CHST11: variants seen among roughly 807,000 people sequenced by gnomAD.
The protein encoded by CHST11 is carbohydrate sulfotransferase 11.
A neutral mutation model predicts 30.4 loss-of-function variants in CHST11; 9 were observed. The observed-to-expected ratio is 0.30, with a 90% CI of 0.18 to 0.52. The LOEUF (loss-of-function observed/expected upper bound fraction) is 0.52, where lower values mean the gene tolerates loss of function less well. Among genes scored for constraint, CHST11 ranks in the 20% least tolerant of loss-of-function variants. CHST11 has a pLI of 0.97. For missense variants in CHST11, 348 were observed against 460.6 expected (o/e 0.76, Z 2.24); for synonymous variants, 152 against 187.8 (o/e 0.81, Z 1.56).
chr12:104,543,382 G>C (rs1249678786), intron 1 of CHST11, among the ~76,000 whole-genome samples: 4 of 152,188 alleles, frequency 2.6e-5, no homozygotes, highest in Non-Finnish European at 5.9e-5. Context: ...ACTGTGTCAT[G>C]CAGTATTTTT....
At chr12:104,626,596 AAC>A (rs1555238158) in intron 2 of CHST11, among the ~76,000 whole-genome samples, 27 of 152,008 alleles carry the variant, frequency 1.8e-4, no homozygotes, top group Non-Finnish European at 3.4e-4. Flanking sequence ...AAAAAAAAAA[AAC>A]ATGGTCAAAA....
chr12:104,554,078 A>C (rs2038431699), intron 1 of CHST11, among the ~76,000 whole-genome samples: 1 of 152,172 alleles, frequency 6.6e-6, no homozygotes, highest in African/African-American at 2.4e-5. Context: ...AAAGCCATCG[A>C]GAGAGTGATG....
chr12:104,738,225 T>C (rs1487683424), intron 2 of CHST11, among the ~76,000 whole-genome samples: 1 of 152,168 alleles, frequency 6.6e-6, no homozygotes, highest in Non-Finnish European at 1.5e-5. Context: ...GCATAAAGCC[T>C]GTGCAGGGAC....
At chr12:104,650,767 A>G (rs566146235) in intron 2 of CHST11, among the ~76,000 whole-genome samples, 3 of 152,370 alleles carry the variant, frequency 2.0e-5, no homozygotes, top group East Asian at 3.9e-4. Flanking sequence ...GAGAGGCACA[A>G]TAGCACTTGG....
At chr12:104,507,069 G>A (rs1296192697) in intron 1 of CHST11, among the ~76,000 whole-genome samples, 1 of 152,178 alleles carries the variant, frequency 6.6e-6, no homozygotes, top group Admixed American at 6.5e-5. Context: ...CTGGCTCCAG[G>A]TGCTGGTCCC....
intron 2 of CHST11, among the ~76,000 whole-genome samples, chr12:104,666,801 G>A (rs1354232429): frequency 6.6e-6 from 1 of 152,068 alleles, no homozygotes; most frequent in African/African-American, 2.4e-5. Context: ...AGAGAGGCGG[G>A]GCAAGGTCTG....
intron 2 of CHST11, among the ~76,000 whole-genome samples, chr12:104,663,552 C>G (rs2039616298): frequency 6.6e-6 from 1 of 151,888 alleles, no homozygotes. Context: ...GTTTGGTAAC[C>G]TGTTTTTATT....
chr12:104,663,095 A>C (rs1457975840), intron 2 of CHST11, among the ~76,000 whole-genome samples: 1 of 152,240 alleles, frequency 6.6e-6, no homozygotes, highest in South Asian at 2.1e-4. Context: ...GATTGGGCCA[A>C]AGACTAGGGA....
chr12:104,492,058 C>T (rs941717091), intron 1 of CHST11, among the ~76,000 whole-genome samples: 1 of 152,198 alleles, frequency 6.6e-6, no homozygotes, highest in Non-Finnish European at 1.5e-5. Flanking sequence ...CCTCTTCTGA[C>T]CAACCAGTCC....
At chr12:104,697,370 C>G (rs368386865) in intron 2 of CHST11, among the ~76,000 whole-genome samples, 1 of 152,102 alleles carries the variant, frequency 6.6e-6, no homozygotes, top group Admixed American at 6.5e-5. Context: ...CCAGTGTGGC[C>G]GGGCATCCTT....
chr12:104,604,152 G>A (rs1195245500), intron 2 of CHST11, among the ~76,000 whole-genome samples: 2 of 152,176 alleles, frequency 1.3e-5, no homozygotes, highest in African/African-American at 4.8e-5. Context: ...TCATAGAAGA[G>A]ATGCCTGTCC....
chr12:104,753,879 A>G (rs1462170068), intron 2 of CHST11, among the ~76,000 whole-genome samples: 2 of 152,134 alleles, frequency 1.3e-5, no homozygotes, highest in African/African-American at 4.8e-5. Context: ...TAGTCCTCAC[A>G]CCAGCCTAAC....
chr12:104,581,736 C>T (rs989517417), intron 1 of CHST11, among the ~76,000 whole-genome samples: 3 of 152,174 alleles, frequency 2.0e-5, no homozygotes, highest in Non-Finnish European at 4.4e-5. Flanking sequence ...TGAGGAGTGG[C>T]TCGGGCACAG....
chr12:104,646,671 C>A (rs1211177686), intron 2 of CHST11, among the ~76,000 whole-genome samples: 15 of 152,198 alleles, frequency 9.9e-5, no homozygotes, highest in African/African-American at 3.6e-4. Flanking sequence ...TGCACTCCAA[C>A]CTGGCGACAG....
chr12:104,510,972 A>G (rs191246397), intron 1 of CHST11, among the ~76,000 whole-genome samples: 26 of 152,326 alleles, frequency 1.7e-4, no homozygotes, highest in Non-Finnish European at 1.9e-4. Flanking sequence ...AACTTTAAAT[A>G]TGTATATTTT....
chr12:104,475,898 C>CAT (rs111389369), intron 1 of CHST11, among the ~76,000 whole-genome samples: 1,594 of 132,692 alleles, frequency 0.012, 32 homozygotes, highest in African/African-American at 0.04. Flanking sequence ...AAGTAGGTCC[C>CAT]ATATATATAT....
chr12:104,608,018 C>T (rs1488359483), intron 2 of CHST11, among the ~76,000 whole-genome samples: 3 of 152,128 alleles, frequency 2.0e-5, no homozygotes, highest in Non-Finnish European at 4.4e-5. Flanking sequence ...ATTAGGACCA[C>T]TCTGGGAGCT....
intron 1 of CHST11, among the ~76,000 whole-genome samples, chr12:104,460,537 G>A (rs1438736797): frequency 1.3e-5 from 2 of 151,882 alleles, no homozygotes; most frequent in Admixed American, 6.6e-5. Flanking sequence ...GGTGGCACAC[G>A]CCTGTAATCC....
At chr12:104,637,716 TGC>T (rs2039339113) in intron 2 of CHST11, among the ~76,000 whole-genome samples, 2 of 152,198 alleles carry the variant, frequency 1.3e-5, no homozygotes, top group South Asian at 4.1e-4. Context: ...TGGATTTTGT[TGC>T]CGGAGAGACT....
Sources: allele counts gnomAD v4.1 joint callset (sites outside exome capture counted in the v4.1 genomes callset), GRCh38; gene constraint gnomAD v4.1.1; transcripts MANE v1.5; gene names NCBI Gene and HGNC (gene_info 2026-07-23, HGNC 2026-07-21).